The following ZIC4 variants were observed in gnomAD, a reference collection of about 807,000 sequenced individuals.
ZIC4 encodes zinc finger protein ZIC 4.
In ZIC4, 15 loss-of-function variants were observed where a neutral mutation model predicts 28.8. That is an observed-to-expected ratio of 0.52 (90% CI 0.35 to 0.80). The LOEUF is 0.80. Ranked by LOEUF, ZIC4 falls within the 30% of genes least tolerant of loss-of-function variation. The probability of loss-of-function intolerance (pLI) is 0.01; values close to 1 mark genes in which losing one functional copy is unlikely to be tolerated. For missense variants in ZIC4, 512 were observed against 467.1 expected (o/e 1.10, Z -0.89); for synonymous variants, 220 against 198.1 (o/e 1.11, Z -0.93).
At chr3:147,405,467 T>C in intron 1 of ZIC4, 1 of 1,537,216 alleles carries the variant, frequency 6.5e-7, no homozygotes, top group African/African-American at 1.4e-5. Context: ...ACATGGGCCA[T>C]TCATCAACCC....
chr3:147,404,033 G>A (rs2087222686), intron 1 of ZIC4: 1 of 1,537,130 alleles, frequency 6.5e-7, no homozygotes, highest in Non-Finnish European at 8.7e-7. Flanking sequence ...AAGGTAATAA[G>A]CTCCTTCCAG....
chr3:147,389,169 T>C (rs963010472), intron 4 of ZIC4: 9 of 416,380 alleles, frequency 2.2e-5, no homozygotes, highest in South Asian at 1.6e-4. Context: ...GGAATTTCAG[T>C]CCCCCTTTCT....
intron 2 of ZIC4, among the ~76,000 whole-genome samples, chr3:147,400,255 A>G (rs2087137716): frequency 6.6e-6 from 1 of 152,166 alleles, no homozygotes; most frequent in Non-Finnish European, 1.5e-5. Context: ...TCCAGGGTTA[A>G]GAAACAGAGG....
chr3:147,388,617 G>GA lies in ZIC4; in HGVS notation c.*241dup, dbSNP rs1298435553. ...CAAAAATATATACTTGTATACACAA[G>GA]AAAAAAGGTCTGTTAGACGTAAATA... On this transcript the variant is annotated 3_prime_UTR_variant, in exon 5 of 5. Transcript: ENST00000383075. The GA allele has an allele frequency of 2.0e-6, 1 of 500,778 alleles. No homozygotes were observed. The highest frequency in any genetic ancestry group is 3.5e-6 in the Non-Finnish European group (1 of 283,396). The allele number at this position is 500,778 out of a possible 1,614,324, so 31.0% of individuals were successfully genotyped here. A position where few individuals can be genotyped will look rare whatever the true frequency, so the allele number is the denominator to read the frequency against.
rs763185345 is a variant in ZIC4, at chr3:147,396,025, A to G, written c.515T>C (p.Ile172Thr). 3 of 1,614,222 alleles carry G rather than the reference A, an allele frequency of 1.9e-6. No individual in the cohort carries two copies. Among genetic ancestry groups the G allele is most frequent in the South Asian group, 2.2e-5 (2 of 91,086 alleles). Reference protein sequence around the residue: ...HVGGPEQANHICFWEECPRQG... With the variant: ...HVGGPEQANHTCFWEECPRQG... ...GCGCGGACACTCCTCCCAGAAGCAA[A>G]TGTGGTTGGCCTGTTCCGGGCCGCC... The change falls in exon 3 of 5, where the codon ATT becomes ACT. Residue 172 changes from isoleucine (I) to threonine (T), a missense_variant. Physicochemically the swap from Ile to Thr is moderately conservative, Grantham distance 89. This residue lies in a region of ZIC4 where 310 missense variants were observed against 256.5 expected (regional missense o/e 1.21). Coordinates refer to ENST00000383075, the MANE Select transcript of ZIC4 (RefSeq NM_032153.6). The surrounding 1 kb of genome is among the most constrained non-coding windows in gnomAD (Gnocchi z 4.2).
chr3:147,391,428 C>G, intron 3 of ZIC4, 182 bp from the exon 4 acceptor site: 1 of 726,174 alleles, frequency 1.4e-6, no homozygotes, highest in Non-Finnish European at 2.2e-6. Flanking sequence ...CCCCCGGTGC[C>G]CTCTCTTGAA....
rs1461978908 is a variant in ZIC4 at position 147,402,784 on chromosome 3, G to A, written c.14C>T (p.Thr5Ile). 1 of 1,613,896 alleles carries A rather than the reference G, an allele frequency of 6.2e-7. No homozygotes were observed. Among genetic ancestry groups the A allele is most frequent in the Admixed American group, 1.7e-5 (1 of 59,994 alleles). MRYKTSLVMRKRLRL... is the reference protein window; with the variant it reads MRYKISLVMRKRLRL... Reference sequence around the variant, plus strand: ...TAATCGTTTCCTCATCACCAAGGATGTCTTGTATCTCATTTTCTGACTTTG... The same window carrying A: ...TAATCGTTTCCTCATCACCAAGGATATCTTGTATCTCATTTTCTGACTTTG... Residue 5 changes from threonine to isoleucine, a missense_variant, in exon 2 of 5, where the codon ACA becomes ATA. Physicochemically the swap from Thr to Ile is moderately conservative, Grantham distance 89. Around this residue, in one of 3 missense-constraint regions of ZIC4, gnomAD observed 310 missense variants for 256.5 expected, o/e 1.21. Coordinates refer to ENST00000383075, the MANE Select transcript of ZIC4 (RefSeq NM_032153.6).
intron 1 of ZIC4, among the ~76,000 whole-genome samples, chr3:147,404,709 A>G (rs996818257): frequency 2.6e-5 from 4 of 152,178 alleles, no homozygotes; most frequent in Non-Finnish European, 4.4e-5. Flanking sequence ...AGGGAGCTCC[A>G]GTGATTGATA....
At chr3:147,403,441 T>C (rs2087210673) in intron 1 of ZIC4, 1 of 152,994 alleles carries the variant, frequency 6.5e-6, no homozygotes. Context: ...ATAATTTTAA[T>C]CGTTTGGTTC....
Position 147,396,200 on chromosome 3 carries a change from C to T in ZIC4, c.340G>A (p.Gly114Ser), listed in dbSNP as rs1435419112. 4 of 1,614,094 alleles carry T rather than the reference C, an allele frequency of 2.5e-6. No homozygotes were observed. Among genetic ancestry groups the T allele is most frequent in the Non-Finnish European group, 3.4e-6 (4 of 1,180,006 alleles). Residue 114 changes from glycine to serine, a missense_variant, in exon 3 of 5, where the codon GGC (glycine) becomes AGC (serine). Transcript: ENST00000383075. The surrounding 1 kb of genome is among the most constrained non-coding windows in gnomAD (Gnocchi z 4.2). Reference protein sequence around the residue: ...TVNLAAPHGPGAFFRYMRQPI... With the variant: ...TVNLAAPHGPSAFFRYMRQPI... Reference sequence around the variant, plus strand: ...TGGCGCATGTAGCGGAAGAAAGCGCCAGGACCGTGGGGCGCAGCGAGGTTC... The same window carrying T: ...TGGCGCATGTAGCGGAAGAAAGCGCTAGGACCGTGGGGCGCAGCGAGGTTC...
intron 2 of ZIC4, among the ~76,000 whole-genome samples, chr3:147,400,141 AG>A (rs1369775925): frequency 1.3e-5 from 2 of 152,224 alleles, no homozygotes; most frequent in Non-Finnish European, 2.9e-5. Flanking sequence ...TCATCATAGA[AG>A]AAAACACTAA....
At chr3:147,405,362 G>C in intron 1 of ZIC4, 1 of 1,533,694 alleles carries the variant, frequency 6.5e-7, no homozygotes, top group Non-Finnish European at 8.7e-7. Context: ...GGAAAGCGGG[G>C]AAAACATGAC....
At position 147,386,727 on chromosome 3, in the gene ZIC4, T is replaced by A. The variant is rs569151417; in HGVS notation, c.*2132A>T. On this transcript the variant is annotated 3_prime_UTR_variant, in exon 5 of 5. Coordinates refer to ENST00000383075, the MANE Select transcript of ZIC4 (RefSeq NM_032153.6). ...GTGAATGAAGGGAAGGATGGGCATT[T>A]ACATGCATTTTCGATCACTGTGTTG... 6.6e-6 allele frequency: 1 copy of A among 152,394 alleles called. No individual in the cohort carries two copies. Among genetic ancestry groups the A allele is most frequent in the East Asian group, 1.9e-4 (1 of 5,192 alleles). 9.4% of individuals were successfully genotyped at this position (152,394 alleles called of 1,614,324 possible). A position where few individuals can be genotyped will look rare whatever the true frequency, so the allele number is the denominator to read the frequency against.
chr3:147,399,289 G>T (rs2087115380), intron 2 of ZIC4, among the ~76,000 whole-genome samples: 1 of 152,120 alleles, frequency 6.6e-6, no homozygotes, highest in Non-Finnish European at 1.5e-5. Flanking sequence ...CTTCATCCAA[G>T]CAGTGGCATG....
rs2086837044 is a variant in ZIC4, at chr3:147,388,382, A to G, written c.*477T>C. The G allele has an allele frequency of 6.2e-6, 1 of 162,516 alleles. No individual in the cohort carries two copies. The allele number at this position is 162,516 out of a possible 1,614,324, so 10.1% of individuals were successfully genotyped here. A position where few individuals can be genotyped will look rare whatever the true frequency, so the allele number is the denominator to read the frequency against. The stretch of plus-strand genomic sequence containing the variant: ...CCTTTTCTTTCCCCTCTTACAAACC[A>G]TTTCCTCGCCTTTAGAAACTCGCCA... On this transcript the variant is annotated 3_prime_UTR_variant, in exon 5 of 5. Coordinates refer to ENST00000383075, the MANE Select transcript of ZIC4 (RefSeq NM_032153.6).
rs73004639 is a variant in ZIC4 at position 147,397,318 on chromosome 3, C to G, written c.71-849G>C. 2.1e-3 allele frequency: 326 copies of G among 152,504 alleles called. 1 individual carries two copies. Among genetic ancestry groups the G allele is most frequent in the African/African-American group, 6.5e-3 (270 of 41,512 alleles). 9.4% of individuals were successfully genotyped at this position (152,504 alleles called of 1,614,324 possible). ...GTCAGTGATGACAGGTCCTGCCGCA[C>G]GCGGTCGGTCTCTCTCTCTCTCTCT... On this transcript the variant is annotated intron_variant, in intron 2 of 4. Coordinates refer to ENST00000383075, the MANE Select transcript of ZIC4 (RefSeq NM_032153.6).
intron 1 of ZIC4, among the ~76,000 whole-genome samples, chr3:147,403,385 G>A (rs541388882): frequency 2.7e-4 from 41 of 152,186 alleles, no homozygotes; most frequent in African/African-American, 6.0e-4. Context: ...ATTCATCACC[G>A]GTTGACTTTT....
intron 1 of ZIC4, chr3:147,405,386 G>T: frequency 6.5e-7 from 1 of 1,536,874 alleles, no homozygotes; most frequent in Non-Finnish European, 8.7e-7. Context: ...GGAATCCAAA[G>T]GGAGTTTCCT....
chr3:147,390,939 CAA>C lies in ZIC4; in HGVS notation c.994_995del (p.Leu332GlufsTer12), dbSNP rs1320429267. 1.2e-6 allele frequency: 2 copies of C among 1,609,038 alleles called. No homozygotes were observed. Among genetic ancestry groups the C allele is most frequent in the African/African-American group, 2.7e-5 (2 of 74,858 alleles). On this transcript the variant is annotated frameshift_variant, in exon 4 of 5. Transcript: ENST00000383075. LOFTEE classifies it high-confidence loss of function. ...AGCCCTGACACACGTACCATTCGCT[CAA>C]GTCGGCGGTACGCGCCGCCACCGCC... ...SAAVAARTAD[L>X]SE
Sources: allele counts gnomAD v4.1 joint callset (sites outside exome capture counted in the v4.1 genomes callset), GRCh38; gene constraint gnomAD v4.1.1; regional missense constraint gnomAD v4.1.1; non-coding constraint Gnocchi (gnomAD v3.1); transcripts MANE v1.5; gene names NCBI Gene and HGNC (gene_info 2026-07-23, HGNC 2026-07-21).